C11orf65: variants seen among roughly 807,000 people sequenced by gnomAD.
The protein encoded by C11orf65 is chromosome 11 open reading frame 65.
In C11orf65, 38 loss-of-function variants were observed where a neutral mutation model predicts 35.3. That is an observed-to-expected ratio of 1.08 (90% confidence interval 0.83 to 1.41). The LOEUF (loss-of-function observed/expected upper bound fraction) is 1.41. C11orf65 is among the 40% of genes most tolerant of loss of function. The pLI is 0.00. For synonymous variants in C11orf65, 105 were observed against 114.4 expected, an observed-to-expected ratio of 0.92 and a Z score of 0.53; for missense variants, 370 against 367.1, an observed-to-expected ratio of 1.01 and a Z score of -0.06.
intron 2 of C11orf65, among the ~76,000 whole-genome samples, chr11:108,342,417 TAC>T (rs1247139569): frequency 6.6e-6 from 1 of 152,174 alleles, no homozygotes; most frequent in African/African-American, 2.4e-5. Context: ...TACAGAAATA[TAC>T]ATATAGTATC....
At chr11:108,379,078 G>A (rs1270818), downstream of C11orf65, among the ~76,000 whole-genome samples, 57 of 151,780 alleles carry the variant, frequency 3.8e-4, no homozygotes, top group East Asian at 2.7e-3. Flanking sequence ...GCGATTCCTC[G>A]GGGATCTAGA....
At chr11:108,428,558 G>C (rs1007052864) in intron 3 of C11orf65, among the ~76,000 whole-genome samples, 3 of 152,068 alleles carry the variant, frequency 2.0e-5, no homozygotes, top group Non-Finnish European at 4.4e-5. Flanking sequence ...AACTAACACA[G>C]GAACAGAAAA....
chr11:108,433,150 T>A (rs999971087), intron 2 of C11orf65, among the ~76,000 whole-genome samples: 1 of 151,994 alleles, frequency 6.6e-6, no homozygotes, highest in African/African-American at 2.4e-5. Context: ...CTTCATAGTA[T>A]GGAGGTTTTA....
In C11orf65 at chr11:108,364,460, T is replaced by C. The variant is rs141309425; in HGVS notation, c.226+28748A>G. The stretch of plus-strand genomic sequence containing the variant: ...AGCCATGTCAGTTGTTTTGGTATCC[T>C]AATTCTACACCTAATATATATCTCA... On this transcript the variant is annotated intron_variant, in intron 2 of 3. Coordinates refer to the C11orf65 transcript ENST00000524755. Among the ~76,000 whole-genome samples the C allele has an allele frequency of 7.9e-3, 1,211 of 152,338 alleles. 9 individuals are homozygous for C. Among genetic ancestry groups the C allele is most frequent in the African/African-American group, 0.025 (1,037 of 41,570 alleles).
rs889325004 is a variant in C11orf65 at position 108,404,279 on chromosome 11, C to G, written c.560+1150G>C. Among the ~76,000 whole-genome samples, 3 of 152,326 alleles carry G rather than the reference C, an allele frequency of 2.0e-5. No homozygotes were observed. In the East Asian group the frequency reaches 5.8e-4, roughly 29 times the overall value. On this transcript the variant is annotated intron_variant, in intron 6 of 8. Coordinates refer to ENST00000393084, the MANE Select transcript of C11orf65 (RefSeq NM_152587.5). Reference sequence around the variant, plus strand: ...ATATGGAACTTCCTGTGAGTCCCACCTTTTACTTGACCCCCTTAGGCCTGT... The same window carrying G: ...ATATGGAACTTCCTGTGAGTCCCACGTTTTACTTGACCCCCTTAGGCCTGT...
In C11orf65 at chr11:108,393,211, T is replaced by C. The variant is rs2092210230; in HGVS notation, c.728A>G (p.Asp243Gly). The C allele has an allele frequency of 1.9e-6, 3 of 1,613,514 alleles. No individual in the cohort carries two copies. The African/African-American group carries it at 4.0e-5, about 22-fold the overall frequency. ...AAGAATAGCAACATGTACTTACTCATCAAAGTTCAGTGTATTTGTCCAGTT... is the reference window on the plus strand; with the variant it reads ...AAGAATAGCAACATGTACTTACTCACCAAAGTTCAGTGTATTTGTCCAGTT... ...VLNWTNTLNF[D>G]EYIASWKEIA... Residue 243 changes from aspartate (D) to glycine (G), a missense_variant, in exon 7 of 9, where the codon GAT (aspartate) becomes GGT (glycine). By Grantham distance (94) the Asp-to-Gly change is moderately conservative. Coordinates refer to ENST00000393084, the MANE Select transcript of C11orf65 (RefSeq NM_152587.5).
intron 3 of C11orf65, chr11:108,335,190 T>A (rs2136671398): frequency 6.2e-7 from 1 of 1,602,606 alleles, no homozygotes; most frequent in Non-Finnish European, 8.5e-7. Flanking sequence ...CTGCTTTATT[T>A]GGGATTTTGT....
intron 3 of C11orf65, among the ~76,000 whole-genome samples, chr11:108,425,603 T>C (rs1565679678): frequency 1.3e-5 from 2 of 152,132 alleles, no homozygotes; most frequent in African/African-American, 4.8e-5. Context: ...TCTGAAACTA[T>C]TCCAAACAAT....
At chr11:108,313,249 A>G (rs2084327070) in intron 6 of C11orf65, among the ~76,000 whole-genome samples, 1 of 152,138 alleles carries the variant, frequency 6.6e-6, no homozygotes, top group Non-Finnish European at 1.5e-5. Context: ...CCTCTGAACT[A>G]TGTTCTGAAC....
chr11:108,463,162 T>C (rs114406109), intron 1 of C11orf65, among the ~76,000 whole-genome samples: 1,883 of 152,274 alleles, frequency 0.012, 47 homozygotes, highest in African/African-American at 0.042. Context: ...AATTGGTGCA[T>C]GTAAAATGCA....
chr11:108,408,674 T>TAAATA (rs74198402), intron 3 of C11orf65, among the ~76,000 whole-genome samples: 1,202 of 74,420 alleles, frequency 0.016, 34 homozygotes, highest in Middle Eastern at 0.033. Flanking sequence ...TCTGTCTCAA[T>TAAATA]AAATAAAATA....
chr11:108,437,707 T>TAAAAAAAAAAAAAAAAAAA (rs145337876), intron 2 of C11orf65, among the ~76,000 whole-genome samples: 2 of 38,032 alleles, frequency 5.3e-5, no homozygotes, highest in African/African-American at 2.8e-4. Context: ...GACTCAGTCT[T>TAAAAAAAAAAAAAAAAAAA]AAAAAAAAAA....
chr11:108,385,180 C>A (rs763369970), intron 8 of C11orf65, among the ~76,000 whole-genome samples: 5 of 152,124 alleles, frequency 3.3e-5, no homozygotes, highest in Non-Finnish European at 5.9e-5. Context: ...TCAAACGATT[C>A]TCTTGCCACA....
At position 108,382,921 on chromosome 11, in the gene C11orf65, T is replaced by C. The variant is rs1156629376; in HGVS notation, c.*100A>G. On this transcript the variant is annotated 3_prime_UTR_variant, in exon 9 of 9. Coordinates refer to ENST00000393084, the MANE Select transcript of C11orf65 (RefSeq NM_152587.5). The stretch of plus-strand genomic sequence containing the variant: ...ACTGAGCTAGATTCTGTGCCCAGAA[T>C]ATATACACAAGTTATTCCAGTCAGA... 6.4e-7 allele frequency: 1 copy of C among 1,565,646 alleles called. No homozygotes were observed. Among genetic ancestry groups the C allele is most frequent in the Non-Finnish European group, 8.6e-7 (1 of 1,166,180 alleles).
At chr11:108,321,156 C>A in intron 6 of C11orf65, 1 of 1,070,848 alleles carries the variant, frequency 9.3e-7, no homozygotes, top group Non-Finnish European at 1.3e-6. Flanking sequence ...GTTTCCACTG[C>A]TATTTTGTAT....
intron 3 of C11orf65, among the ~76,000 whole-genome samples, chr11:108,407,946 A>G (rs1476674703): frequency 3.5e-5 from 5 of 142,318 alleles, no homozygotes; most frequent in African/African-American, 1.3e-4. Context: ...AAAAAAAAAA[A>G]AAAAAAGAAA....
Position 108,430,513 on chromosome 11 carries a change from G to C in C11orf65, c.174+1233C>G, listed in dbSNP as rs1428945473. Among the ~76,000 whole-genome samples, 5 of 151,792 alleles carry C rather than the reference G, an allele frequency of 3.3e-5. No individual in the cohort carries two copies. In the East Asian group the frequency reaches 7.7e-4, roughly 23 times the overall value. ...TACTTTACCACAAAAAGTAAATTGA[G>C]AAAAAAGTAGTTTTAAAAAAATACA... On this transcript the variant is annotated intron_variant, in intron 3 of 8. Transcript: ENST00000393084.
intron 1 of C11orf65, among the ~76,000 whole-genome samples, chr11:108,465,699 A>G: frequency 6.6e-6 from 1 of 151,932 alleles, no homozygotes; most frequent in East Asian, 1.9e-4. Context: ...TTTTAAAAAA[A>G]AAAGGCTGGG....
chr11:108,449,336 T>G (rs890915411), intron 2 of C11orf65, among the ~76,000 whole-genome samples: 9 of 151,958 alleles, frequency 5.9e-5, no homozygotes, highest in African/African-American at 2.2e-4. Context: ...AAGTGAATCC[T>G]AAGCCAAAAG....
Sources: allele counts gnomAD v4.1 joint callset (sites outside exome capture counted in the v4.1 genomes callset), GRCh38; gene constraint gnomAD v4.1.1; transcripts MANE v1.5; gene names NCBI Gene and HGNC (gene_info 2026-07-23, HGNC 2026-07-21).